Variants in GALNTL6 observed in about 807,000 individuals in gnomAD.
GALNTL6 encodes polypeptide N-acetylgalactosaminyltransferase-like 6.
In GALNTL6, 46 loss-of-function variants were observed where a neutral mutation model predicts 73.7. That is an observed-to-expected ratio of 0.62 (90% confidence interval 0.49 to 0.80). The LOEUF (loss-of-function observed/expected upper bound fraction) is 0.80. GALNTL6 is among the 30% of genes least tolerant of loss of function. GALNTL6 has a pLI of 0.00. For missense variants in GALNTL6, 604 were observed against 755.0 expected, an observed-to-expected ratio of 0.80 and a Z score of 2.34; for synonymous variants, 259 against 263.7, an observed-to-expected ratio of 0.98 and a Z score of 0.17.
At chr4:172,199,181 TAAAC>T (rs1735876299) in intron 2 of GALNTL6, among the ~76,000 whole-genome samples, 1 of 152,198 alleles carries the variant, frequency 6.6e-6, no homozygotes, top group African/African-American at 2.4e-5. Context: ...GTTGAGCAAA[TAAAC>T]AAATCTATTT....
intron 5 of GALNTL6, among the ~76,000 whole-genome samples, chr4:172,692,216 C>G (rs1733350935): frequency 6.6e-6 from 1 of 152,020 alleles, no homozygotes; most frequent in African/African-American, 2.4e-5. Context: ...ATTTGATACT[C>G]TGCATTTTCA....
intron 2 of GALNTL6, among the ~76,000 whole-genome samples, chr4:171,912,434 A>G (rs958692012): frequency 6.6e-6 from 1 of 152,192 alleles, no homozygotes; most frequent in Non-Finnish European, 1.5e-5. Context: ...GATATACAAT[A>G]GTTGTACATA....
chr4:172,239,054 A>G (rs1433231128), intron 3 of GALNTL6, among the ~76,000 whole-genome samples: 3 of 152,122 alleles, frequency 2.0e-5, no homozygotes, highest in African/African-American at 4.8e-5. Flanking sequence ...ATATTAGCCT[A>G]TAATTTTCTT....
chr4:172,293,727 T>C (rs1018563153), intron 3 of GALNTL6, among the ~76,000 whole-genome samples: 2 of 151,496 alleles, frequency 1.3e-5, no homozygotes, highest in African/African-American at 4.8e-5. Context: ...AAATTAAAAA[T>C]ATATTATAAA....
chr4:172,083,585 G>C (rs1031747142), intron 2 of GALNTL6, among the ~76,000 whole-genome samples: 9 of 152,090 alleles, frequency 5.9e-5, no homozygotes, highest in Admixed American at 5.2e-4. Flanking sequence ...ATCTCTTTCT[G>C]CTCAAAGGTC....
chr4:172,473,111 C>G (rs2111466546), intron 5 of GALNTL6, among the ~76,000 whole-genome samples: 1 of 152,290 alleles, frequency 6.6e-6, no homozygotes, highest in African/African-American at 2.4e-5. Context: ...CCCCACTACA[C>G]CTAACAACTT....
At chr4:171,966,883 T>A (rs975652464) in intron 2 of GALNTL6, among the ~76,000 whole-genome samples, 1 of 152,178 alleles carries the variant, frequency 6.6e-6, no homozygotes, top group Non-Finnish European at 1.5e-5. Flanking sequence ...TTTTTCTTGT[T>A]GTTGTACTTT....
chr4:171,899,264 C>A (rs1456484567), intron 2 of GALNTL6, among the ~76,000 whole-genome samples: 2 of 151,960 alleles, frequency 1.3e-5, no homozygotes, highest in Admixed American at 1.3e-4. Context: ...AAGGTGGTTA[C>A]CCCTAATGAC....
chr4:171,953,387 A>T lies in GALNTL6; in HGVS notation c.138+138669A>T, dbSNP rs1019884848. Among the ~76,000 whole-genome samples, 4 of 152,178 alleles carry T rather than the reference A, an allele frequency of 2.6e-5. No homozygotes were observed. The South Asian group carries it at 8.3e-4, about 32-fold the overall frequency. ...CACATGCTATTGGATCTGGAGTAGA[A>T]AAACAGATCAATACAACAATCAGCT... On this transcript the variant is annotated intron_variant, in intron 2 of 12. Transcript: ENST00000506823.
chr4:171,831,725 A>G (rs1166298551), intron 2 of GALNTL6, among the ~76,000 whole-genome samples: 3 of 151,838 alleles, frequency 2.0e-5, no homozygotes, highest in Non-Finnish European at 4.4e-5. Flanking sequence ...AAAGGCATTC[A>G]TTAATAAAAA....
intron 2 of GALNTL6, among the ~76,000 whole-genome samples, chr4:172,175,766 C>A (rs2110834170): frequency 6.6e-6 from 1 of 152,180 alleles, no homozygotes; most frequent in East Asian, 1.9e-4. Context: ...TGTTTTCTAT[C>A]CTGCAATTTT....
chr4:172,686,614 G>A (rs187316154), intron 5 of GALNTL6, among the ~76,000 whole-genome samples: 197 of 152,270 alleles, frequency 1.3e-3, no homozygotes, highest in Admixed American at 0.012. Flanking sequence ...GAAAAAGAAA[G>A]TTTATTTTAT....
At position 172,630,741 on chromosome 4, in the gene GALNTL6, A is replaced by G. The variant is rs181233729; in HGVS notation, c.554-178620A>G. Among the ~76,000 whole-genome samples the G allele has an allele frequency of 1.8e-3, 265 of 150,930 alleles. 5 individuals are homozygous for G. The South Asian group carries it at 0.042, about 24-fold the overall frequency. ...TATATAATACATATATAAATAACGT[A>G]TATGCATTTCCACAAAGCTATCTTG... is the stretch of plus-strand genomic sequence containing the variant. On this transcript the variant is annotated intron_variant, in intron 5 of 12. Transcript: ENST00000506823.
At chr4:172,875,330 A>C (rs751058716) in intron 7 of GALNTL6, among the ~76,000 whole-genome samples, 7 of 152,226 alleles carry the variant, frequency 4.6e-5, no homozygotes, top group Non-Finnish European at 8.8e-5. Context: ...AGAAATTAGA[A>C]ATGAATGAAT....
In GALNTL6 at chr4:172,942,930, C is replaced by T. The variant is rs940026000; in HGVS notation, c.1150-9107C>T. On this transcript the variant is annotated intron_variant, in intron 9 of 12. Coordinates refer to ENST00000506823, the MANE Select transcript of GALNTL6 (RefSeq NM_001034845.3). The stretch of plus-strand genomic sequence containing the variant: ...CTGTGTTTCTGTGGTCTCTCTTCAA[C>T]GGTTCCAGCTTCTGATTATCTCCAC... Among the ~76,000 whole-genome samples the T allele has an allele frequency of 2.0e-5, 3 of 152,100 alleles. 1 individual carries two copies. Among genetic ancestry groups the T allele is most frequent in the Admixed American group, 1.3e-4 (2 of 15,258 alleles).
chr4:171,815,229 A>AT (rs1438285486), intron 2 of GALNTL6: 1 of 158,278 alleles, frequency 6.3e-6, no homozygotes, highest in African/African-American at 2.4e-5. Flanking sequence ...GTCGAAACTT[A>AT]AAGTCTCTCT....
intron 5 of GALNTL6, among the ~76,000 whole-genome samples, chr4:172,671,954 A>G (rs947861637): frequency 2.6e-5 from 4 of 152,074 alleles, no homozygotes; most frequent in Non-Finnish European, 4.4e-5. Flanking sequence ...GCAGTGGTGC[A>G]ATCTCAGCTC....
Position 172,311,675 on chromosome 4 carries a change from C to A in GALNTL6, c.309C>A (p.Tyr103Ter). 6.2e-7 allele frequency: 1 copy of A among 1,611,732 alleles called. No homozygotes were observed. Among genetic ancestry groups the A allele is most frequent in the Non-Finnish European group, 8.5e-7 (1 of 1,178,418 alleles). Residue 103 changes from tyrosine (Y) to a stop codon, truncating the protein, a stop_gained, in exon 4 of 13, where the codon TAC becomes TAA. Coordinates refer to ENST00000506823, the MANE Select transcript of GALNTL6 (RefSeq NM_001034845.3). LOFTEE classifies it high-confidence loss of function. ...AAGAGGACCATGATGACTCAGCTTA[C>A]AGGGAAAATGGTTTTAATATTTTCG... The part of the protein sequence containing the change: ...LTEEDHDDSA[Y>*]RENGFNIFVS...
intron 5 of GALNTL6, among the ~76,000 whole-genome samples, chr4:172,590,920 T>G (rs1161826906): frequency 6.6e-6 from 1 of 152,304 alleles, no homozygotes; most frequent in East Asian, 1.9e-4. Flanking sequence ...TTGTTATTAC[T>G]GCGTCGTGAA....
Sources: gnomAD v4.1 joint callset for allele counts (sites outside exome capture counted in the v4.1 genomes callset) on GRCh38, gnomAD v4.1.1 for gene constraint, MANE v1.5 for transcripts, NCBI Gene and HGNC (gene_info 2026-07-23, HGNC 2026-07-21) for gene names.